CSRNP3: variants seen among roughly 807,000 people sequenced by gnomAD.
The protein encoded by CSRNP3 is cysteine and serine rich nuclear protein 3, also known as cysteine/serine-rich nuclear protein 3.
Under a neutral mutation model 48.0 loss-of-function variants are expected in CSRNP3, and 12 were observed. The ratio of observed to expected loss-of-function variants is 0.25; its 90% CI spans 0.16 to 0.41. CSRNP3 has a LOEUF of 0.41. CSRNP3 is among the 10% of genes least tolerant of loss of function. The pLI is 1.00. For synonymous variants in CSRNP3, 263 were observed against 269.7 expected (o/e 0.98, Z 0.24); for missense variants, 580 against 724.4 (o/e 0.80, Z 2.29).
chr2:165,633,154 T>C (rs1055632784), intron 4 of CSRNP3, among the ~76,000 whole-genome samples: 1 of 152,188 alleles, frequency 6.6e-6, no homozygotes, highest in Non-Finnish European at 1.5e-5. Flanking sequence ...AAAATACCGA[T>C]TTAAGAGACT....
At chr2:165,577,750 C>T (rs1685476386) in intron 3 of CSRNP3, among the ~76,000 whole-genome samples, 3 of 151,428 alleles carry the variant, frequency 2.0e-5, no homozygotes, top group South Asian at 4.2e-4. Flanking sequence ...TTATTTTTAA[C>T]ATAGTTAATA....
chr2:165,509,679 C>T (rs533128937), intron 2 of CSRNP3, among the ~76,000 whole-genome samples: 5 of 152,282 alleles, frequency 3.3e-5, no homozygotes, highest in African/African-American at 1.2e-4. Context: ...GCACCCTTTG[C>T]TCAGCTTCCC....
intron 4 of CSRNP3, among the ~76,000 whole-genome samples, chr2:165,616,373 T>G (rs1686243326): frequency 6.6e-6 from 1 of 152,186 alleles, no homozygotes; most frequent in South Asian, 2.1e-4. Context: ...CATTTTATAC[T>G]TTTATGTATT....
chr2:165,655,663 G>A (rs1686991801), intron 4 of CSRNP3, among the ~76,000 whole-genome samples: 1 of 152,194 alleles, frequency 6.6e-6, no homozygotes, highest in Non-Finnish European at 1.5e-5. Context: ...AGATGACCAA[G>A]GTGTTGGCAG....
chr2:165,516,774 G>A (rs1163152002), intron 2 of CSRNP3, among the ~76,000 whole-genome samples: 1 of 152,036 alleles, frequency 6.6e-6, no homozygotes, highest in African/African-American at 2.4e-5. Context: ...TTGTATCACA[G>A]TTAATCCAGT....
At position 165,666,995 on chromosome 2, in the gene CSRNP3, G is replaced by GAGAGAGATGAAGAAAGAA. The variant is rs1687235168; in HGVS notation, c.408+8982_408+8983insTGAAGAAAGAAAGAGAGA. 7.1e-4 allele frequency among the ~76,000 whole-genome samples: 15 copies of GAGAGAGATGAAGAAAGAA among 21,272 alleles called. 2 individuals are homozygous for GAGAGAGATGAAGAAAGAA. Among genetic ancestry groups the GAGAGAGATGAAGAAAGAA allele is most frequent in the Non-Finnish European group, 1.5e-3 (9 of 6,194 alleles). 14.0% of individuals were successfully genotyped at this position (21,272 alleles called of 152,430 possible). ...GGAAAGAGAGAGAGGAAGAAAGAAAGAGAGAGAGAGGAAGGAAGGAAGGAA... is the reference window on the plus strand; with the variant it reads ...GGAAAGAGAGAGAGGAAGAAAGAAAGAGAGAGATGAAGAAAGAAAGAGAGAGAGGAAGGAAGGAAGGAA... On this transcript the variant is annotated intron_variant, in intron 5 of 6. Coordinates refer to ENST00000651982, the MANE Select transcript of CSRNP3 (RefSeq NM_001172173.2).
At chr2:165,600,694 G>A (rs1039805708) in intron 4 of CSRNP3, among the ~76,000 whole-genome samples, 2 of 152,178 alleles carry the variant, frequency 1.3e-5, no homozygotes, top group Non-Finnish European at 2.9e-5. Flanking sequence ...GTGATGGTGA[G>A]CATTTTTTCA....
chr2:165,656,589 G>A (rs1466244929), intron 4 of CSRNP3, among the ~76,000 whole-genome samples: 2 of 151,862 alleles, frequency 1.3e-5, no homozygotes, highest in African/African-American at 4.8e-5. Context: ...TATATCTCAG[G>A]CAATTTCATT....
intron 1 of CSRNP3, among the ~76,000 whole-genome samples, chr2:165,483,082 A>T (rs1684069753): frequency 6.7e-6 from 1 of 150,136 alleles, no homozygotes; most frequent in Admixed American, 6.7e-5. Flanking sequence ...ATATAAATAA[A>T]TAATGTATAT....
intron 5 of CSRNP3, among the ~76,000 whole-genome samples, chr2:165,674,338 G>C (rs1278356466): frequency 6.6e-6 from 1 of 151,944 alleles, no homozygotes; most frequent in Non-Finnish European, 1.5e-5. Context: ...TATCACAGAG[G>C]ATCGAGTGTA....
intron 3 of CSRNP3, among the ~76,000 whole-genome samples, chr2:165,529,548 G>A (rs1684785228): frequency 6.6e-6 from 1 of 152,150 alleles, no homozygotes; most frequent in Non-Finnish European, 1.5e-5. Context: ...TCTCAGGTAT[G>A]TCTTTATTGG....
intron 4 of CSRNP3, among the ~76,000 whole-genome samples, chr2:165,601,220 T>C (rs1685908893): frequency 6.6e-6 from 1 of 152,158 alleles, no homozygotes; most frequent in African/African-American, 2.4e-5. Context: ...TTGAGCACTG[T>C]CAAGAGGAGA....
intron 5 of CSRNP3, among the ~76,000 whole-genome samples, chr2:165,661,420 G>A (rs951176054): frequency 6.6e-6 from 1 of 152,170 alleles, no homozygotes; most frequent in African/African-American, 2.4e-5. Flanking sequence ...TGGCCACACA[G>A]TTTGCCATAA....
At chr2:165,576,796 G>C (rs1193707687) in intron 3 of CSRNP3, among the ~76,000 whole-genome samples, 1 of 151,984 alleles carries the variant, frequency 6.6e-6, no homozygotes, top group Non-Finnish European at 1.5e-5. Flanking sequence ...AATCAAATTT[G>C]AGAAGTAAAA....
chr2:165,474,447 T>G (rs185077840), intron 1 of CSRNP3, among the ~76,000 whole-genome samples: 2 of 152,268 alleles, frequency 1.3e-5, no homozygotes, highest in African/African-American at 4.8e-5. Flanking sequence ...TTAAACAATA[T>G]TTACTATAAA....
In CSRNP3 at chr2:165,560,483, G is replaced by C. The variant is rs1158356677; in HGVS notation, c.-23-34560G>C. On this transcript the variant is annotated intron_variant, in intron 3 of 6. Transcript: ENST00000651982. ...TTTCTCTTTTCCTGCATCCTCTTCT[G>C]TCGTGATACTCTGTAGCTAACCCAA... is the stretch of plus-strand genomic sequence containing the variant. Among the ~76,000 whole-genome samples the C allele has an allele frequency of 2.0e-5, 3 of 152,072 alleles. No homozygotes were observed. The East Asian group carries it at 5.8e-4, about 29-fold the overall frequency.
chr2:165,678,168 T>C (rs1196795207), intron 6 of CSRNP3, among the ~76,000 whole-genome samples: 2 of 152,196 alleles, frequency 1.3e-5, no homozygotes, highest in African/African-American at 2.4e-5. Context: ...TGTAAGTCCA[T>C]TTTATAATAA....
chr2:165,503,018 A>G (rs1684378155), intron 2 of CSRNP3, among the ~76,000 whole-genome samples: 1 of 151,944 alleles, frequency 6.6e-6, no homozygotes, highest in Admixed American at 6.6e-5. Flanking sequence ...GTTTTATAAT[A>G]TTAAGGATTA....
rs370106481 is a variant in CSRNP3 at position 165,560,042 on chromosome 2, A to G, written c.-23-35001A>G. Among the ~76,000 whole-genome samples, 15 of 151,904 alleles carry G rather than the reference A, an allele frequency of 9.9e-5. No homozygotes were observed. In the South Asian group the frequency reaches 1.2e-3, roughly 13 times the overall value. On this transcript the variant is annotated intron_variant, in intron 3 of 6. Coordinates refer to ENST00000651982, the MANE Select transcript of CSRNP3 (RefSeq NM_001172173.2). The stretch of plus-strand genomic sequence containing the variant: ...TCTCGATCTCCTGACCTTGTGATCC[A>G]CCCACCTTGGCCTCCCAAAGTGTTG...
Sources: gnomAD v4.1 joint callset for allele counts (sites outside exome capture counted in the v4.1 genomes callset) on GRCh38, gnomAD v4.1.1 for gene constraint, MANE v1.5 for transcripts, NCBI Gene and HGNC (gene_info 2026-07-23, HGNC 2026-07-21) for gene names.